CMTM4: variants seen among roughly 807,000 people sequenced by gnomAD.
CMTM4 encodes CKLF-like MARVEL transmembrane domain-containing protein 4.
CMTM4 carries 8 observed loss-of-function variants against 19.0 expected under a neutral mutation model. That is an observed-to-expected ratio of 0.42 (90% confidence interval 0.25 to 0.76). The LOEUF (loss-of-function observed/expected upper bound fraction) is 0.76, where lower values mean the gene tolerates loss of function less well. Ranked by LOEUF, CMTM4 falls within the 30% of genes least tolerant of loss-of-function variation. CMTM4 has a pLI of 0.27. For missense variants in CMTM4, 228 were observed against 290.2 expected, an observed-to-expected ratio of 0.79 and a Z score of 1.56; for synonymous variants, 106 against 121.1, an observed-to-expected ratio of 0.88 and a Z score of 0.82.
chr16:66,675,085 TA>T (rs1235271949), intron 1 of CMTM4, among the ~76,000 whole-genome samples: 1 of 150,320 alleles, frequency 6.7e-6, no homozygotes, highest in Non-Finnish European at 1.5e-5. Context: ...ATTTTTTTTT[TA>T]ATTTTTTTTT....
In CMTM4 at chr16:66,646,987, G is replaced by A. The variant is rs539632647; in HGVS notation, c.187-10406C>T. Among the ~76,000 whole-genome samples the A allele has an allele frequency of 2.6e-4, 40 of 151,772 alleles. No individual in the cohort carries two copies. The South Asian group carries it at 6.7e-3, about 25-fold the overall frequency. ...CTCCCAAAGTGCTGGGATTACAGGCGTGACCCACCACGCCCAGCCTGGTCA... is the reference window on the plus strand; with the variant it reads ...CTCCCAAAGTGCTGGGATTACAGGCATGACCCACCACGCCCAGCCTGGTCA... On this transcript the variant is annotated intron_variant, in intron 1 of 3. Coordinates refer to ENST00000394106, the MANE Select transcript of CMTM4 (RefSeq NM_181521.3).
At chr16:66,677,602 T>C (rs909239559) in intron 1 of CMTM4, among the ~76,000 whole-genome samples, 8 of 152,160 alleles carry the variant, frequency 5.3e-5, no homozygotes, top group Non-Finnish European at 1.0e-4. Context: ...TGGTGACAGG[T>C]AGTCTTATCT....
In CMTM4 at chr16:66,618,554, A is replaced by G; in HGVS notation, c.*3504T>C. ...CGGGTTTCTCATGTGAATCTACAAG[A>G]AAAGGTACGCCTGGGCCACACGCAG... On this transcript the variant is annotated 3_prime_UTR_variant, in exon 4 of 4. Coordinates refer to ENST00000394106, the MANE Select transcript of CMTM4 (RefSeq NM_181521.3). 1 of 985,524 alleles carries G rather than the reference A, an allele frequency of 1.0e-6. No individual in the cohort carries two copies. The highest frequency in any genetic ancestry group is 1.2e-6 in the Non-Finnish European group (1 of 829,982). The allele number at this position is 985,524 out of a possible 1,614,324, so 61.0% of individuals were successfully genotyped here.
chr16:66,669,337 C>T (rs537472520), intron 1 of CMTM4, among the ~76,000 whole-genome samples: 81 of 151,998 alleles, frequency 5.3e-4, no homozygotes, highest in Non-Finnish European at 8.7e-4. Context: ...AGAAAGGGAA[C>T]GAGGAAGTTT....
intron 1 of CMTM4, among the ~76,000 whole-genome samples, chr16:66,683,699 A>G (rs182267293): frequency 3.3e-4 from 50 of 152,036 alleles, no homozygotes; most frequent in Admixed American, 1.3e-3. Context: ...CTTTGCTCTC[A>G]TGGAGCTGAC....
intron 1 of CMTM4, among the ~76,000 whole-genome samples, chr16:66,660,387 CAAAAAAAAAAA>C (rs34266604): frequency 5.9e-5 from 5 of 84,524 alleles, no homozygotes; most frequent in African/African-American, 1.9e-4. Context: ...GATCCTGTCT[CAAAAAAAAAAA>C]AAAAAAAACA....
chr16:66,683,313 A>G (rs2016975578), intron 1 of CMTM4, among the ~76,000 whole-genome samples: 1 of 95,212 alleles, frequency 1.1e-5, no homozygotes, highest in Non-Finnish European at 1.9e-5. Flanking sequence ...TTTTTTTGAG[A>G]CGGAGTCTTG....
chr16:66,625,468 C>T (rs913043520), intron 2 of CMTM4, among the ~76,000 whole-genome samples: 5 of 149,176 alleles, frequency 3.4e-5, no homozygotes, highest in Admixed American at 1.3e-4. Flanking sequence ...AAAAAGAAAA[C>T]AGTCAAAAAT....
At chr16:66,690,707 T>C (rs916145474) in intron 1 of CMTM4, among the ~76,000 whole-genome samples, 12 of 152,176 alleles carry the variant, frequency 7.9e-5, no homozygotes, top group African/African-American at 2.9e-4. Flanking sequence ...ATTCTTACAA[T>C]TCCTAAAATG....
intron 1 of CMTM4, 63 bp from the exon 2 acceptor site, chr16:66,636,644 T>C (rs1009808869): frequency 4.5e-6 from 6 of 1,328,894 alleles, no homozygotes; most frequent in Non-Finnish European, 5.4e-6. Context: ...CGGACATACG[T>C]ACCTGCCATG....
intron 1 of CMTM4, among the ~76,000 whole-genome samples, chr16:66,686,225 G>A (rs1471152511): frequency 6.7e-6 from 1 of 149,828 alleles, no homozygotes; most frequent in East Asian, 2.0e-4. Flanking sequence ...CTGCACTCCA[G>A]CCTGGTGACA....
rs1377408780 is a variant in CMTM4, at chr16:66,667,098, G to A, written c.186+29242C>T. 5.9e-5 allele frequency among the ~76,000 whole-genome samples: 9 copies of A among 152,330 alleles called. No individual in the cohort carries two copies. In the East Asian group the frequency reaches 1.5e-3, roughly 26 times the overall value. On this transcript the variant is annotated intron_variant, in intron 1 of 3. Coordinates refer to ENST00000394106, the MANE Select transcript of CMTM4 (RefSeq NM_181521.3). The stretch of plus-strand genomic sequence containing the variant: ...CTAACACTTTGGGAGGCCGAGGCAG[G>A]CGGATCACCTGAGGTCGGGAGGTCG...
chr16:66,687,914 C>T (rs577571555), intron 1 of CMTM4, among the ~76,000 whole-genome samples: 166 of 152,130 alleles, frequency 1.1e-3, no homozygotes, highest in African/African-American at 4.0e-3. Context: ...GTCTTGATCT[C>T]CTGACCTTGT....
chr16:66,599,044 C>G, the CMTM4 span, among the ~76,000 whole-genome samples: 2 of 151,848 alleles, frequency 1.3e-5, no homozygotes, highest in Non-Finnish European at 2.9e-5. Context: ...CTTTGGGAGG[C>G]TAAGGCAGGT....
At position 66,622,653 on chromosome 16, in the gene CMTM4, G is replaced by A. The variant is rs2015661191; in HGVS notation, c.463-431C>T. ...TGAGAAAATACAGTGCAGACAAAAT[G>A]TAACATAGACAGAAAATCAGGGTTT... On this transcript the variant is annotated intron_variant, in intron 3 of 3. Transcript: ENST00000394106. This position sits in a 1 kb window ranked among gnomAD's most constrained non-coding sequence, Gnocchi z 4.0. Among the ~76,000 whole-genome samples the A allele has an allele frequency of 6.6e-6, 1 of 152,190 alleles. No individual in the cohort carries two copies. Among genetic ancestry groups the A allele is most frequent in the South Asian group, 2.1e-4 (1 of 4,832 alleles).
chr16:66,682,831 C>T (rs1044261159), intron 1 of CMTM4, among the ~76,000 whole-genome samples: 1 of 151,956 alleles, frequency 6.6e-6, no homozygotes, highest in South Asian at 2.1e-4. Context: ...TTGACAGATA[C>T]AAGCCTCTCT....
At chr16:66,632,542 G>A (rs547038540) in intron 2 of CMTM4, among the ~76,000 whole-genome samples, 5 of 152,282 alleles carry the variant, frequency 3.3e-5, no homozygotes, top group African/African-American at 1.2e-4. Context: ...GTGAGATTAG[G>A]AGAGGGGGAA....
intron 1 of CMTM4, among the ~76,000 whole-genome samples, chr16:66,661,579 C>G (rs2016499440): frequency 6.6e-6 from 1 of 152,150 alleles, no homozygotes; most frequent in Admixed American, 6.6e-5. Flanking sequence ...TAAAATGGAT[C>G]CTTTTATATG....
chr16:66,656,654 A>G (rs1202395894), intron 1 of CMTM4, among the ~76,000 whole-genome samples: 2 of 149,732 alleles, frequency 1.3e-5, no homozygotes, highest in Non-Finnish European at 3.0e-5. Context: ...ACTACATAGA[A>G]AAAAAAAAAA....
Sources: gnomAD v4.1 joint callset for allele counts (sites outside exome capture counted in the v4.1 genomes callset) on GRCh38, gnomAD v4.1.1 for gene constraint, Gnocchi (gnomAD v3.1) non-coding constraint, MANE v1.5 for transcripts, NCBI Gene and HGNC (gene_info 2026-07-23, HGNC 2026-07-21) for gene names.